Variants in TRMT11 observed in about 807,000 individuals in gnomAD.
TRMT11 encodes the protein tRNA (guanine(10)-N(2))-methyltransferase TRMT11.
TRMT11 carries 53 observed loss-of-function variants against 62.8 expected under a neutral mutation model. That is an observed-to-expected ratio of 0.84 (90% CI 0.68 to 1.06). The LOEUF is 1.06. Among genes scored for constraint, TRMT11 ranks in the 50% least tolerant of loss-of-function variants. The probability of loss-of-function intolerance (pLI) is 0.00; values close to 1 mark genes in which losing one functional copy is unlikely to be tolerated. For synonymous variants in TRMT11, 188 were observed against 190.3 expected (o/e 0.99, Z 0.10); for missense variants, 556 against 553.4 (o/e 1.00, Z -0.05).
upstream of TRMT11, among the ~76,000 whole-genome samples, chr6:126,173,729 A>G (rs1474403919): frequency 6.6e-6 from 1 of 152,238 alleles, no homozygotes; most frequent in Non-Finnish European, 1.5e-5. Context: ...AGTGTGTTAC[A>G]GAGACTGTGT....
intron 17 of TRMT11, among the ~76,000 whole-genome samples, chr6:126,074,500 A>G (rs192790987): frequency 2.6e-3 from 395 of 152,304 alleles, no homozygotes; most frequent in African/African-American, 8.9e-3. Flanking sequence ...GAGCTAAGAA[A>G]AATTACCAAG....
At chr6:126,157,961 C>T (rs1436026329) in intron 21 of TRMT11, among the ~76,000 whole-genome samples, 1 of 152,140 alleles carries the variant, frequency 6.6e-6, no homozygotes, top group Admixed American at 6.5e-5. Context: ...GTAACCAACA[C>T]TAGATCAAAT....
intron 1 of TRMT11, chr6:126,198,785 A>G (rs1391710162): frequency 6.6e-6 from 1 of 152,216 alleles, no homozygotes; most frequent in Admixed American, 6.5e-5. Flanking sequence ...GAGAAACTCT[A>G]TGTATATTTT....
At chr6:126,066,661 C>A (rs1431888693) in intron 17 of TRMT11, among the ~76,000 whole-genome samples, 1 of 152,140 alleles carries the variant, frequency 6.6e-6, no homozygotes, top group East Asian at 1.9e-4. Flanking sequence ...TAGTCTGTAA[C>A]ACGGACTGAG....
chr6:126,183,821 G>A (rs111790503), intron 1 of TRMT11, among the ~76,000 whole-genome samples: 3,315 of 134,144 alleles, frequency 0.025, 118 homozygotes, highest in African/African-American at 0.083. Context: ...CACTGGGGAC[G>A]ATACGTGGGG....
chr6:126,029,675 T>C (rs1391800022), intron 12 of TRMT11, among the ~76,000 whole-genome samples: 2 of 152,206 alleles, frequency 1.3e-5, no homozygotes, highest in Admixed American at 1.3e-4. Flanking sequence ...CATTTATTGC[T>C]ACTCAAGAAG....
intron 16 of TRMT11, among the ~76,000 whole-genome samples, chr6:126,052,204 TA>T (rs1776240104): frequency 6.6e-6 from 1 of 152,220 alleles, no homozygotes; most frequent in Non-Finnish European, 1.5e-5. Context: ...ATTTGCCGTA[TA>T]AGTTAGTGAG....
At chr6:126,185,166 G>C (rs1304771856) in intron 1 of TRMT11, among the ~76,000 whole-genome samples, 1 of 152,106 alleles carries the variant, frequency 6.6e-6, no homozygotes, top group Non-Finnish European at 1.5e-5. Flanking sequence ...CTGGAAATAA[G>C]TCACATTTTT....
At chr6:126,263,151 C>G in the TRMT11 span, among the ~76,000 whole-genome samples, 2 of 152,004 alleles carry the variant, frequency 1.3e-5, no homozygotes, top group African/African-American at 2.4e-5. Flanking sequence ...CAGTTGCCAT[C>G]TCAAACCAGA....
chr6:126,138,919 CCTT>C (rs908528096), intron 21 of TRMT11, among the ~76,000 whole-genome samples: 6 of 151,818 alleles, frequency 4.0e-5, no homozygotes, highest in Non-Finnish European at 8.8e-5. Context: ...AATATATAAA[CCTT>C]CTCAATATCT....
intron 21 of TRMT11, among the ~76,000 whole-genome samples, chr6:126,153,712 G>A (rs535716001): frequency 6.6e-6 from 1 of 152,164 alleles, no homozygotes; most frequent in Non-Finnish European, 1.5e-5. Context: ...CCACATCACA[G>A]ATAATAAAGT....
At chr6:126,225,774 T>C in the TRMT11 span, among the ~76,000 whole-genome samples, 4 of 139,446 alleles carry the variant, frequency 2.9e-5, no homozygotes, top group Admixed American at 3.0e-4. Context: ...CATTGCACCC[T>C]CTACCTCCTG....
At chr6:126,117,688 A>G (rs1777606215) in intron 21 of TRMT11, among the ~76,000 whole-genome samples, 3 of 152,106 alleles carry the variant, frequency 2.0e-5, no homozygotes, top group South Asian at 2.1e-4. Flanking sequence ...TGAATGACCA[A>G]CTGTAACCCC....
chr6:126,038,448 A>AG (rs1554229976), intron 12 of TRMT11, among the ~76,000 whole-genome samples: 1 of 150,330 alleles, frequency 6.7e-6, no homozygotes, highest in Admixed American at 6.6e-5. Context: ...AAAAAAAAAA[A>AG]AAAAAGAAAA....
intron 11 of TRMT11, among the ~76,000 whole-genome samples, chr6:126,016,093 T>C (rs1794946163): frequency 6.6e-6 from 1 of 152,224 alleles, no homozygotes; most frequent in Admixed American, 6.5e-5. Flanking sequence ...ATCTTGTTTT[T>C]CATCAAACCA....
intron 17 of TRMT11, among the ~76,000 whole-genome samples, chr6:126,107,851 C>T (rs778218933): frequency 6.1e-4 from 93 of 152,206 alleles, no homozygotes; most frequent in Non-Finnish European, 1.1e-3. Flanking sequence ...TGAAGTCTGT[C>T]GCGTGATTCA....
intron 12 of TRMT11, among the ~76,000 whole-genome samples, chr6:126,026,219 G>C (rs1773049121): frequency 6.6e-6 from 1 of 152,158 alleles, no homozygotes; most frequent in South Asian, 2.1e-4. Context: ...AGTAGCCTGG[G>C]ACTATCCTAT....
chr6:126,223,706 T>C, the TRMT11 span, among the ~76,000 whole-genome samples: 1 of 152,226 alleles, frequency 6.6e-6, no homozygotes, highest in African/African-American at 2.4e-5. Context: ...TGTTGTCCTC[T>C]CTAGCAAGGT....
intron 16 of TRMT11, among the ~76,000 whole-genome samples, chr6:126,051,816 A>G (rs890457422): frequency 6.6e-6 from 1 of 152,286 alleles, no homozygotes; most frequent in Admixed American, 6.5e-5. Context: ...TACAAGCATG[A>G]AGAACTGCAT....
Sources: gnomAD v4.1 joint callset for allele counts (sites outside exome capture counted in the v4.1 genomes callset) on GRCh38, gnomAD v4.1.1 for gene constraint, MANE v1.5 for transcripts, NCBI Gene and HGNC (gene_info 2026-07-23, HGNC 2026-07-21) for gene names.